CD82: variants seen among roughly 807,000 people sequenced by gnomAD.
CD82 encodes the protein CD82 antigen.
In CD82, 36 loss-of-function variants were observed where a neutral mutation model predicts 37.4. The observed-to-expected ratio is 0.96, with a 90% CI of 0.74 to 1.27. The LOEUF is 1.27. CD82 is among the 50% of genes most tolerant of loss of function. CD82 has a pLI of 0.00. For synonymous variants in CD82, 158 were observed against 137.4 expected (o/e 1.15, Z -1.05); for missense variants, 340 against 347.0 (o/e 0.98, Z 0.16).
Position 44,587,529 on chromosome 11 carries a change from G to C in CD82, c.-48G>C. On this transcript the variant is annotated 5_prime_UTR_variant, in exon 2 of 10. Coordinates refer to ENST00000227155, the MANE Select transcript of CD82 (RefSeq NM_002231.4). Reference sequence around the variant, plus strand: ...GTGGGCACAGGCAGAAGTGGGCCCTGTGACCAGCTGCACTGGTTTCGTGGA... The same window carrying C: ...GTGGGCACAGGCAGAAGTGGGCCCTCTGACCAGCTGCACTGGTTTCGTGGA... 2.2e-6 allele frequency: 1 copy of C among 456,370 alleles called. No homozygotes were observed. Among genetic ancestry groups the C allele is most frequent in the Non-Finnish European group, 4.4e-6 (1 of 226,970 alleles). The allele number at this position is 456,370 out of a possible 1,614,324, so 28.3% of individuals were successfully genotyped here.
At chr11:44,598,569 C>T (rs1013534917) in intron 3 of CD82, among the ~76,000 whole-genome samples, 9 of 151,862 alleles carry the variant, frequency 5.9e-5, no homozygotes, top group Non-Finnish European at 7.4e-5. Context: ...CCCATCAACA[C>T]GCCCAGCTAA....
Position 44,597,160 on chromosome 11 carries a change from T to C in CD82, c.63+2435T>C, listed in dbSNP as rs1481674331. Among the ~76,000 whole-genome samples, 1 of 152,230 alleles carries C rather than the reference T, an allele frequency of 6.6e-6. No homozygotes were observed. The highest frequency in any genetic ancestry group is 1.5e-5 in the Non-Finnish European group (1 of 68,038). The stretch of plus-strand genomic sequence containing the variant: ...TGGAAAAATCCCCGTGGCTGCTATG[T>C]GTGCTCGCGCCTGCGTGCATGTGCA... On this transcript the variant is annotated intron_variant, in intron 3 of 9. Coordinates refer to ENST00000227155, the MANE Select transcript of CD82 (RefSeq NM_002231.4). The surrounding 1 kb of genome is among the most constrained non-coding windows in gnomAD (Gnocchi z 4.1).
At chr11:44,585,043 C>A (rs973293916) in intron 1 of CD82, 4 of 359,752 alleles carry the variant, frequency 1.1e-5, no homozygotes, top group Non-Finnish European at 2.2e-5. Flanking sequence ...ACTGGCTGGA[C>A]CTCTGAGTCT....
rs140516649 is a variant in CD82, at chr11:44,607,808, C to T, written c.336+2379C>T. ...CCAAGGCCCATGCCTCCCTATCCAC[C>T]ACGCTGCCCTCCCGCCGGCTGGGTA... On this transcript the variant is annotated intron_variant, in intron 6 of 9. Transcript: ENST00000227155. Among the ~76,000 whole-genome samples, 475 of 152,354 alleles carry T rather than the reference C, an allele frequency of 3.1e-3. 3 individuals carry two copies. Among genetic ancestry groups the T allele is most frequent in the Non-Finnish European group, 5.3e-3 (361 of 68,036 alleles).
intron 3 of CD82, among the ~76,000 whole-genome samples, chr11:44,596,441 A>G (rs903120235): frequency 6.6e-6 from 1 of 152,236 alleles, no homozygotes; most frequent in East Asian, 1.9e-4. Flanking sequence ...AGTGATAAAG[A>G]AACTTTCCTT....
intron 1 of CD82, among the ~76,000 whole-genome samples, chr11:44,570,545 T>C (rs935794692): frequency 7.2e-5 from 11 of 152,230 alleles, no homozygotes; most frequent in Non-Finnish European, 4.4e-5. Context: ...TGGTACCACA[T>C]ACCAGGTGAC....
upstream of CD82, chr11:44,564,642 T>A (rs1230534063): frequency 2.5e-6 from 1 of 393,496 alleles, no homozygotes; most frequent in Admixed American, 2.8e-5. Flanking sequence ...AAGCCAGCTT[T>A]GAGGGCTTAG....
At chr11:44,595,057 C>T in intron 3 of CD82, 4 of 379,940 alleles carry the variant, frequency 1.1e-5, no homozygotes, top group South Asian at 1.0e-4. Flanking sequence ...CTAGAAGAAG[C>T]CTCTTAGCAT....
At chr11:44,610,519 TA>T (rs1590348375) in intron 6 of CD82, among the ~76,000 whole-genome samples, 1 of 152,214 alleles carries the variant, frequency 6.6e-6, no homozygotes, top group Non-Finnish European at 1.5e-5. Context: ...AAATTCACAC[TA>T]AAAGAGAAGT....
chr11:44,570,253 C>T (rs545009629), intron 1 of CD82, among the ~76,000 whole-genome samples: 12 of 152,270 alleles, frequency 7.9e-5, no homozygotes, highest in African/African-American at 2.4e-4. Context: ...TCCCAAGCCC[C>T]TCATTGCCCT....
chr11:44,596,949 G>T, intron 3 of CD82: 1 of 456,240 alleles, frequency 2.2e-6, no homozygotes, highest in Non-Finnish European at 4.4e-6. Context: ...AGCAGATGAG[G>T]CTCTTGGCCT....
intron 6 of CD82, among the ~76,000 whole-genome samples, chr11:44,609,726 G>A (rs1207089055): frequency 6.6e-6 from 1 of 152,190 alleles, no homozygotes; most frequent in African/African-American, 2.4e-5. Flanking sequence ...TCTCTGGCTT[G>A]GGGTTCTCTT....
At chr11:44,601,530 C>A (rs1306410416) in intron 4 of CD82, among the ~76,000 whole-genome samples, 2 of 152,184 alleles carry the variant, frequency 1.3e-5, no homozygotes, top group Non-Finnish European at 2.9e-5. Flanking sequence ...GCAGGCACTG[C>A]ACCCCAGGGC....
intron 3 of CD82, chr11:44,596,734 G>C: frequency 2.7e-6 from 1 of 368,784 alleles, no homozygotes; most frequent in Non-Finnish European, 5.4e-6. Context: ...AGGAGGGCTG[G>C]AGGAGGCAGA....
chr11:44,607,493 G>A (rs994823510), intron 6 of CD82, among the ~76,000 whole-genome samples: 1 of 152,148 alleles, frequency 6.6e-6, no homozygotes, highest in Non-Finnish European at 1.5e-5. Context: ...TTAGAACCAG[G>A]CCCCAGTGAG....
intron 6 of CD82, chr11:44,606,714 T>C (rs1238866146): frequency 6.6e-6 from 1 of 152,246 alleles, no homozygotes; most frequent in Non-Finnish European, 1.5e-5. Flanking sequence ...TACAGCGTCT[T>C]GTCCTCACAA....
At chr11:44,617,560 GAAAAA>G (rs35015542) in intron 7 of CD82, among the ~76,000 whole-genome samples, 2 of 88,656 alleles carry the variant, frequency 2.3e-5, no homozygotes, top group Non-Finnish European at 4.2e-5. Context: ...CTCTGTCTCA[GAAAAA>G]AAAAAAAAAA....
In CD82 at chr11:44,600,187, G is replaced by A. The variant is rs761468393; in HGVS notation, c.93G>A (p.Gly31=). 15 of 1,613,996 alleles carry A rather than the reference G, an allele frequency of 9.3e-6. No homozygotes were observed. The highest frequency in any genetic ancestry group is 1.3e-5 in the Non-Finnish European group (15 of 1,180,018). ...FILGAVILGF[G]VWILADKSSF... Reference sequence around the variant, plus strand: ...TGGGCGCAGTGATCCTGGGCTTCGGGGTGTGGATCCTGGCCGACAAGAGCA... The same window carrying A: ...TGGGCGCAGTGATCCTGGGCTTCGGAGTGTGGATCCTGGCCGACAAGAGCA... The change falls in exon 4 of 10, where the codon GGG becomes GGA. Residue 31 remains glycine, a synonymous_variant. Coordinates refer to ENST00000227155, the MANE Select transcript of CD82 (RefSeq NM_002231.4).
intron 6 of CD82, among the ~76,000 whole-genome samples, chr11:44,608,370 C>T (rs948143602): frequency 2.0e-5 from 3 of 152,152 alleles, no homozygotes; most frequent in Admixed American, 6.5e-5. Flanking sequence ...GGTTGGGGAC[C>T]TTGGCATGGC....
Sources: gnomAD v4.1 joint callset for allele counts (sites outside exome capture counted in the v4.1 genomes callset) on GRCh38, gnomAD v4.1.1 for gene constraint, Gnocchi (gnomAD v3.1) non-coding constraint, MANE v1.5 for transcripts, NCBI Gene and HGNC (gene_info 2026-07-23, HGNC 2026-07-21) for gene names.